The following PLEKHA5 variants were observed in gnomAD, a reference collection of about 807,000 sequenced individuals.
PLEKHA5 encodes pleckstrin homology domain containing A5.
A neutral mutation model predicts 181.9 loss-of-function variants in PLEKHA5; 55 were observed. That is an observed-to-expected ratio of 0.30 (90% CI 0.24 to 0.38). The LOEUF is 0.38. PLEKHA5 is among the 10% of genes least tolerant of loss of function. The pLI, the probability that PLEKHA5 is intolerant of heterozygous loss-of-function variation, is 1.00. For synonymous variants in PLEKHA5, 535 were observed against 529.4 expected (o/e 1.01, Z -0.15); for missense variants, 1,432 against 1,549.5 (o/e 0.92, Z 1.27).
intron 11 of PLEKHA5, among the ~76,000 whole-genome samples, chr12:19,275,640 C>G (rs1020862068): frequency 6.6e-6 from 1 of 152,010 alleles, no homozygotes; most frequent in Non-Finnish European, 1.5e-5. Context: ...GTGGTGCATA[C>G]CTGTAGTACC....
chr12:19,283,148 C>CCA lies in PLEKHA5; in HGVS notation c.1314-131_1314-130dup. The CCA allele has an allele frequency of 1.0e-5, 3 of 286,124 alleles. No homozygotes were observed. In the East Asian group the frequency reaches 1.5e-4, roughly 14 times the overall value. 17.7% of individuals were successfully genotyped at this position (286,124 alleles called of 1,614,324 possible). A position where few individuals can be genotyped will look rare whatever the true frequency, so the allele number is the denominator to read the frequency against. ...GGCAACAGAGCGAGACTCTTGTCTC[C>CCA]CAAAAAAAAAAAAAAAAAAAAAAAA... On this transcript the variant is annotated intron_variant, in intron 11 of 31. Transcript: ENST00000429027.
At chr12:19,340,465 A>T (rs1449010699) in intron 21 of PLEKHA5, among the ~76,000 whole-genome samples, 1 of 135,540 alleles carries the variant, frequency 7.4e-6, no homozygotes, top group African/African-American at 2.5e-5. Flanking sequence ...TCAACAGCTC[A>T]TTGAGAACGG....
At chr12:19,319,041 G>C (rs1042416239) in intron 16 of PLEKHA5, among the ~76,000 whole-genome samples, 23 of 151,986 alleles carry the variant, frequency 1.5e-4, no homozygotes, top group African/African-American at 4.6e-4. Context: ...TTTTATCATA[G>C]ATCTACCTAT....
intron 25 of PLEKHA5, among the ~76,000 whole-genome samples, chr12:19,351,078 C>T (rs1051553657): frequency 1.3e-5 from 2 of 150,906 alleles, no homozygotes; most frequent in African/African-American, 4.9e-5. Context: ...TGAGACTACA[C>T]ACGTGTGCCA....
intron 3 of PLEKHA5, among the ~76,000 whole-genome samples, chr12:19,196,079 T>C (rs1180306188): frequency 6.6e-6 from 1 of 152,188 alleles, no homozygotes. Context: ...TTCCATGACA[T>C]TGAACAGTAT....
chr12:19,317,621 A>G (rs1592465664), intron 16 of PLEKHA5, among the ~76,000 whole-genome samples: 1 of 152,182 alleles, frequency 6.6e-6, no homozygotes, highest in East Asian at 1.9e-4. Flanking sequence ...CATATACTCT[A>G]AAATATATAT....
chr12:19,289,846 G>A (rs2078019198), intron 13 of PLEKHA5, among the ~76,000 whole-genome samples: 1 of 152,070 alleles, frequency 6.6e-6, no homozygotes, highest in African/African-American at 2.4e-5. Flanking sequence ...TGACATTTCA[G>A]AGTATAACTG....
chr12:19,293,176 T>C (rs372629021), intron 15 of PLEKHA5, among the ~76,000 whole-genome samples: 3 of 152,298 alleles, frequency 2.0e-5, no homozygotes, highest in South Asian at 2.1e-4. Context: ...GCTTTCATAT[T>C]TATATTTGCC....
intron 3 of PLEKHA5, among the ~76,000 whole-genome samples, chr12:19,174,301 A>T (rs1412618955): frequency 1.3e-5 from 2 of 152,188 alleles, no homozygotes; most frequent in Non-Finnish European, 2.9e-5. Context: ...TAAAATGATT[A>T]TCAGAAAATC....
At chr12:19,238,932 A>G (rs1306758453) in intron 3 of PLEKHA5, among the ~76,000 whole-genome samples, 8 of 152,096 alleles carry the variant, frequency 5.3e-5, no homozygotes, top group African/African-American at 1.9e-4. Context: ...TGAATAAGGT[A>G]TGCTTTGAGG....
chr12:19,164,587 C>A (rs895215569), intron 3 of PLEKHA5, among the ~76,000 whole-genome samples: 1 of 152,108 alleles, frequency 6.6e-6, no homozygotes, highest in Non-Finnish European at 1.5e-5. Flanking sequence ...ATTGCCCACC[C>A]CTTAAAATCC....
intron 6 of PLEKHA5, 143 bp from the exon 7 acceptor site, chr12:19,260,806 G>C: frequency 2.3e-6 from 1 of 427,548 alleles, no homozygotes; most frequent in Non-Finnish European, 4.2e-6. Flanking sequence ...GTTGCAGTGA[G>C]CAGAGGTTGC....
intron 20 of PLEKHA5, among the ~76,000 whole-genome samples, chr12:19,327,248 T>TTG: frequency 6.1e-5 from 1 of 16,360 alleles, no homozygotes; most frequent in African/African-American, 8.6e-5. Context: ...TCTGTTTTTG[T>TTG]TTTTTTTTTT....
chr12:19,219,700 T>A (rs1161980625), intron 3 of PLEKHA5, among the ~76,000 whole-genome samples: 2 of 152,160 alleles, frequency 1.3e-5, no homozygotes, highest in African/African-American at 4.8e-5. Context: ...TTAATTGATT[T>A]TTTTCCCATG....
chr12:19,280,950 A>G (rs1001951752), intron 11 of PLEKHA5, among the ~76,000 whole-genome samples: 4 of 152,146 alleles, frequency 2.6e-5, no homozygotes, highest in African/African-American at 9.6e-5. Context: ...GCCTCAAGCG[A>G]TCTGCCTGCC....
chr12:19,193,874 T>C (rs1239834321), intron 3 of PLEKHA5, among the ~76,000 whole-genome samples: 1 of 152,068 alleles, frequency 6.6e-6, no homozygotes, highest in Non-Finnish European at 1.5e-5. Context: ...GAAGGGAAAG[T>C]GGGAGCAGGC....
chr12:19,219,421 A>ATG (rs1164642410), intron 3 of PLEKHA5, among the ~76,000 whole-genome samples: 5 of 151,146 alleles, frequency 3.3e-5, no homozygotes, highest in Non-Finnish European at 5.9e-5. Context: ...GTGTTTGAAT[A>ATG]TATGTGTGTG....
intron 31 of PLEKHA5, among the ~76,000 whole-genome samples, chr12:19,370,342 T>C (rs2095543745): frequency 6.6e-6 from 1 of 152,208 alleles, no homozygotes; most frequent in Non-Finnish European, 1.5e-5. Flanking sequence ...AAACCATGGA[T>C]GGTATCAGGG....
At chr12:19,187,718 GGAA>G (rs1370201259) in intron 3 of PLEKHA5, among the ~76,000 whole-genome samples, 1 of 152,134 alleles carries the variant, frequency 6.6e-6, no homozygotes, top group Non-Finnish European at 1.5e-5. Context: ...GATTTTAAAT[GGAA>G]CACTTAGAGA....
Sources: allele counts gnomAD v4.1 joint callset (sites outside exome capture counted in the v4.1 genomes callset), GRCh38; gene constraint gnomAD v4.1.1; transcripts MANE v1.5; gene names NCBI Gene and HGNC (gene_info 2026-07-23, HGNC 2026-07-21).